Variants in SLC2A14 observed in about 807,000 individuals in gnomAD.
SLC2A14 encodes solute carrier family 2 member 14.
A neutral mutation model predicts 43.0 loss-of-function variants in SLC2A14; 13 were observed. The ratio of observed to expected loss-of-function variants is 0.30; its 90% CI spans 0.20 to 0.48. The LOEUF (loss-of-function observed/expected upper bound fraction) is 0.48. Ranked by LOEUF, SLC2A14 falls within the 20% of genes least tolerant of loss-of-function variation. The pLI, the probability that SLC2A14 is intolerant of heterozygous loss-of-function variation, is 0.99. For synonymous variants in SLC2A14, 190 were observed against 233.8 expected, an observed-to-expected ratio of 0.81 and a Z score of 1.71; for missense variants, 428 against 620.4, an observed-to-expected ratio of 0.69 and a Z score of 3.29.
At chr12:7,862,598 T>A (rs1157848774) in intron 2 of SLC2A14, among the ~76,000 whole-genome samples, 1 of 152,084 alleles carries the variant, frequency 6.6e-6, no homozygotes, top group Non-Finnish European at 1.5e-5. Context: ...GGCAGGCAGC[T>A]CCACCTGCAG....
chr12:7,817,256 C>T (rs932967154), intron 10 of SLC2A14, among the ~76,000 whole-genome samples: 6 of 152,050 alleles, frequency 3.9e-5, no homozygotes, highest in African/African-American at 1.4e-4. Flanking sequence ...GTTTGGATTA[C>T]AGGCATGCGC....
rs1170341820 is a variant in SLC2A14 at position 7,819,599 on chromosome 12, G to C, written c.970-16C>G. ...CCAGAAATAGCTGGAAGAAGAATAT[G>C]ACATGAAACTTCAGTTTTCCTTTCC... is the stretch of plus-strand genomic sequence containing the variant. On this transcript the variant is annotated splice_polypyrimidine_tract_variant and intron_variant, in intron 8 of 10. Transcript: ENST00000431042. 6.3e-7 allele frequency: 1 copy of C among 1,589,430 alleles called. No homozygotes were observed. Among genetic ancestry groups the C allele is most frequent in the Non-Finnish European group, 8.6e-7 (1 of 1,169,372 alleles).
chr12:7,832,571 G>A lies in SLC2A14; in HGVS notation c.111+151C>T, dbSNP rs187193351. ...GCTCAGGATGGTGTTTAACTCCTGG[G>A]CTCAAGTGATCTTTAAGCCTCAGCC... On this transcript the variant is annotated intron_variant, in intron 3 of 10. Transcript: ENST00000431042. The A allele has an allele frequency of 5.7e-4, 432 of 763,196 alleles. 3 individuals carry two copies. The African/African-American group carries it at 6.6e-3, about 12-fold the overall frequency. 47.3% of individuals were successfully genotyped at this position (763,196 alleles called of 1,614,324 possible). A position where few individuals can be genotyped will look rare whatever the true frequency, so the allele number is the denominator to read the frequency against.
chr12:7,879,409 C>T (rs1303283943), intron 1 of SLC2A14, among the ~76,000 whole-genome samples: 2 of 151,754 alleles, frequency 1.3e-5, no homozygotes, highest in African/African-American at 4.8e-5. Context: ...AGGCCAGGTG[C>T]TATGGCTTAT....
chr12:7,852,821 C>G lies in SLC2A14; in HGVS notation c.18+17042G>C, dbSNP rs947009568. 6.6e-5 allele frequency among the ~76,000 whole-genome samples: 10 copies of G among 152,082 alleles called. 1 individual carries two copies. The highest frequency in any genetic ancestry group is 1.5e-4 in the Non-Finnish European group (10 of 68,010). On this transcript the variant is annotated intron_variant, in intron 2 of 10. Transcript: ENST00000431042. ...CTCCAATGAGATCCTGTGCAAAAGG[C>G]TGAAATACCTCACCCATCTGACACT...
chr12:7,831,559 T>A (rs199604615), intron 4 of SLC2A14, 45 bp downstream of exon 4: 2 of 1,609,728 alleles, frequency 1.2e-6, no homozygotes, highest in South Asian at 2.2e-5. Flanking sequence ...TTGTCCCCAA[T>A]GCATCTGGTA....
chr12:7,858,940 T>C (rs1305228596), intron 2 of SLC2A14, among the ~76,000 whole-genome samples: 1 of 152,202 alleles, frequency 6.6e-6, no homozygotes, highest in East Asian at 1.9e-4. Context: ...TTTATGGTTG[T>C]AGCACTTTCA....
intron 7 of SLC2A14, among the ~76,000 whole-genome samples, chr12:7,822,170 A>G (rs2120695648): frequency 6.6e-6 from 1 of 151,232 alleles, no homozygotes; most frequent in South Asian, 2.1e-4. Flanking sequence ...CATGTTGGCC[A>G]GGTTGGTCTT....
chr12:7,876,905 A>G (rs749796259), upstream of SLC2A14, among the ~76,000 whole-genome samples: 18 of 151,956 alleles, frequency 1.2e-4, no homozygotes, highest in Non-Finnish European at 2.4e-4. Flanking sequence ...GAGAGTTCAT[A>G]TAATTTTTTT....
intron 2 of SLC2A14, among the ~76,000 whole-genome samples, chr12:7,864,827 C>G (rs1944820147): frequency 6.6e-6 from 1 of 152,104 alleles, no homozygotes; most frequent in Non-Finnish European, 1.5e-5. Flanking sequence ...AGATAAGCCT[C>G]CATACTCTTA....
chr12:7,826,889 CT>C (rs1413235853), intron 7 of SLC2A14, among the ~76,000 whole-genome samples: 10,397 of 62,640 alleles, frequency 0.17, 1,978 homozygotes, highest in Middle Eastern at 0.22. Context: ...TTCTTTCTTT[CT>C]TTCTTTCTTT....
At chr12:7,872,983 C>T (rs1161601459), upstream of SLC2A14, 1 of 985,390 alleles carries the variant, frequency 1.0e-6, no homozygotes, top group East Asian at 1.1e-4. Flanking sequence ...TGACTCGGTT[C>T]ATCGGGAGCC....
At chr12:7,878,989 A>AC (rs1945514719) in intron 1 of SLC2A14, among the ~76,000 whole-genome samples, 1 of 91,882 alleles carries the variant, frequency 1.1e-5, no homozygotes. Flanking sequence ...AAAAAAAAAA[A>AC]AAAAAAAAAA....
At chr12:7,862,731 AG>A (rs1043861274) in intron 2 of SLC2A14, among the ~76,000 whole-genome samples, 4 of 152,116 alleles carry the variant, frequency 2.6e-5, no homozygotes, top group Non-Finnish European at 5.9e-5. Flanking sequence ...ATCTAGCTCA[AG>A]GTTTGTAAAT....
At chr12:7,831,265 T>C (rs377715383) in intron 4 of SLC2A14, 1 of 163,204 alleles carries the variant, frequency 6.1e-6, no homozygotes, top group African/African-American at 2.8e-5. Flanking sequence ...TTTTTTTTTT[T>C]TGAGAAAAGT....
At chr12:7,850,336 T>C (rs1866822519) in intron 2 of SLC2A14, among the ~76,000 whole-genome samples, 1 of 152,166 alleles carries the variant, frequency 6.6e-6, no homozygotes, top group South Asian at 2.1e-4. Flanking sequence ...CAGCAGTCTT[T>C]GAATACCAGT....
At chr12:7,818,619 G>A (rs1312069077) in intron 9 of SLC2A14, among the ~76,000 whole-genome samples, 1 of 151,646 alleles carries the variant, frequency 6.6e-6, no homozygotes, top group East Asian at 1.9e-4. Context: ...CCAAGATGGC[G>A]ACATTGCACT....
At chr12:7,830,283 C>T (rs1321020268) in intron 4 of SLC2A14, among the ~76,000 whole-genome samples, 1 of 151,956 alleles carries the variant, frequency 6.6e-6, no homozygotes, top group Non-Finnish European at 1.5e-5. Flanking sequence ...TCCCGAGTAG[C>T]TGGGATAACA....
intron 3 of SLC2A14, among the ~76,000 whole-genome samples, chr12:7,832,200 CAT>C (rs1309359175): frequency 1.3e-5 from 2 of 152,174 alleles, no homozygotes; most frequent in African/African-American, 4.8e-5. Context: ...AGGCAGATAA[CAT>C]ATTGGAATTA....
Sources: allele counts gnomAD v4.1 joint callset (sites outside exome capture counted in the v4.1 genomes callset), GRCh38; gene constraint gnomAD v4.1.1; transcripts MANE v1.5; gene names NCBI Gene and HGNC (gene_info 2026-07-23, HGNC 2026-07-21).